The following PBX3 variants were observed in gnomAD, a reference collection of about 807,000 sequenced individuals.
PBX3 encodes the protein pre-B-cell leukemia transcription factor 3.
A neutral mutation model predicts 48.5 loss-of-function variants in PBX3; 14 were observed. The ratio of observed to expected loss-of-function variants is 0.29; its 90% CI spans 0.19 to 0.45. The LOEUF is 0.45. Among genes scored for constraint, PBX3 ranks in the 20% least tolerant of loss-of-function variants. The probability of loss-of-function intolerance (pLI) is 1.00; values close to 1 mark genes in which losing one functional copy is unlikely to be tolerated. For missense variants in PBX3, 386 were observed against 546.7 expected (o/e 0.71, Z 2.93); for synonymous variants, 210 against 200.3 (o/e 1.05, Z -0.41).
chr9:125,960,269 A>G (rs1842397986), intron 5 of PBX3, among the ~76,000 whole-genome samples: 1 of 152,236 alleles, frequency 6.6e-6, no homozygotes, highest in South Asian at 2.1e-4. Flanking sequence ...TACAGCTGCC[A>G]AAATTGTTCT....
At chr9:125,882,606 A>G (rs1220304343) in intron 2 of PBX3, among the ~76,000 whole-genome samples, 2 of 152,356 alleles carry the variant, frequency 1.3e-5, no homozygotes, top group East Asian at 3.9e-4. Flanking sequence ...TGAATTTAGA[A>G]CCAAAGAATG....
rs1218388914 is a variant in PBX3, at chr9:125,899,452, T to TAGAGAG, written c.275-16233_275-16232insGAGAGA. Among the ~76,000 whole-genome samples, 56 of 89,076 alleles carry TAGAGAG rather than the reference T, an allele frequency of 6.3e-4. 1 individual carries two copies. Among genetic ancestry groups the TAGAGAG allele is most frequent in the Non-Finnish European group, 1.1e-3 (47 of 44,154 alleles). The allele number at this position is 89,076 out of a possible 152,430, so 58.4% of individuals were successfully genotyped here. A position where few individuals can be genotyped will look rare whatever the true frequency, so the allele number is the denominator to read the frequency against. ...CTATATATATGTGTGTATATATATA[T>TAGAGAG]ATAGAGAGAGAGAGAGAGAGAGAGA... On this transcript the variant is annotated intron_variant, in intron 2 of 8. Coordinates refer to ENST00000373489, the MANE Select transcript of PBX3 (RefSeq NM_006195.6).
chr9:125,908,618 C>CA, intron 2 of PBX3, among the ~76,000 whole-genome samples: 1 of 152,162 alleles, frequency 6.6e-6, no homozygotes, highest in Non-Finnish European at 1.5e-5. Flanking sequence ...TCATCAGCAC[C>CA]ATTAGATCAT....
chr9:125,786,520 G>A (rs1007739637), intron 2 of PBX3, among the ~76,000 whole-genome samples: 1 of 152,148 alleles, frequency 6.6e-6, no homozygotes, highest in Non-Finnish European at 1.5e-5. Context: ...TCTTTTATAT[G>A]GACAGGAGAT....
chr9:125,770,977 T>C (rs1462637120), intron 2 of PBX3, among the ~76,000 whole-genome samples: 3 of 152,182 alleles, frequency 2.0e-5, no homozygotes, highest in Non-Finnish European at 4.4e-5. Flanking sequence ...GCCTCACATT[T>C]GAATAACAGC....
In PBX3 at chr9:125,963,263, G is replaced by A. The variant is rs193067472; in HGVS notation, c.1212+162G>A. On this transcript the variant is annotated intron_variant, in intron 8 of 8. Transcript: ENST00000373489. ...TTTAAGAACCTAAATGCTTGATGCC[G>A]TCTAGATACCCTTAGAAGTCCTCAT... Among the ~76,000 whole-genome samples the A allele has an allele frequency of 1.3e-3, 197 of 152,240 alleles. 1 individual carries two copies. Among genetic ancestry groups the A allele is most frequent in the African/African-American group, 4.3e-3 (180 of 41,540 alleles).
rs376553707 is a variant in PBX3, at chr9:125,921,326, CT to C, written c.516+5408del. 3.3e-5 allele frequency among the ~76,000 whole-genome samples: 5 copies of C among 150,638 alleles called. No individual in the cohort carries two copies. The East Asian group carries it at 7.8e-4, about 23-fold the overall frequency. ...GTTTTATTTAATACATTTGAATACTCTTTTTTTTTCAACTTCTTTGGAAGCA... is the reference window on the plus strand; with the variant it reads ...GTTTTATTTAATACATTTGAATACTCTTTTTTTTCAACTTCTTTGGAAGCA... On this transcript the variant is annotated intron_variant, in intron 3 of 8. Transcript: ENST00000373489.
chr9:125,945,852 T>C (rs1385194079), intron 5 of PBX3, among the ~76,000 whole-genome samples: 1 of 152,150 alleles, frequency 6.6e-6, no homozygotes, highest in Non-Finnish European at 1.5e-5. Flanking sequence ...TTGGAGGTCA[T>C]TCACTTAAGT....
chr9:125,846,552 A>G (rs1793942163), intron 2 of PBX3, among the ~76,000 whole-genome samples: 2 of 152,012 alleles, frequency 1.3e-5, no homozygotes, highest in South Asian at 4.1e-4. Flanking sequence ...ATTAGGGTGA[A>G]TTTTGAGTCA....
chr9:125,806,881 C>T (rs1176659596), intron 2 of PBX3, among the ~76,000 whole-genome samples: 1 of 152,134 alleles, frequency 6.6e-6, no homozygotes, highest in Non-Finnish European at 1.5e-5. Context: ...AATCTAAGAC[C>T]ACCCATGGAC....
chr9:125,769,257 T>C (rs967927042), intron 2 of PBX3, among the ~76,000 whole-genome samples: 2 of 152,216 alleles, frequency 1.3e-5, no homozygotes, highest in African/African-American at 4.8e-5. Context: ...CCAGCAGTTT[T>C]ATCCACCTTT....
chr9:125,768,946 AGCTGAAATAAC>A (rs1429001010), intron 2 of PBX3, among the ~76,000 whole-genome samples: 1 of 152,212 alleles, frequency 6.6e-6, no homozygotes, highest in Non-Finnish European at 1.5e-5. Context: ...TGCCAAAATA[AGCTGAAATAAC>A]CATAATTTGT....
intron 2 of PBX3, among the ~76,000 whole-genome samples, chr9:125,915,061 G>T (rs574275085): frequency 2.6e-5 from 4 of 152,212 alleles, no homozygotes; most frequent in Non-Finnish European, 5.9e-5. Flanking sequence ...TTTATAGTTT[G>T]CTGGCAATTG....
intron 2 of PBX3, among the ~76,000 whole-genome samples, chr9:125,828,280 T>C (rs533939385): frequency 2.6e-5 from 4 of 152,324 alleles, no homozygotes; most frequent in African/African-American, 7.2e-5. Context: ...ATGTACTGCC[T>C]AGACAAATTT....
At chr9:125,839,790 A>G (rs529782563) in intron 2 of PBX3, among the ~76,000 whole-genome samples, 2 of 152,316 alleles carry the variant, frequency 1.3e-5, no homozygotes, top group South Asian at 4.1e-4. Flanking sequence ...TACTGTTGGG[A>G]TATGATTCTT....
intron 3 of PBX3, among the ~76,000 whole-genome samples, chr9:125,921,137 G>C (rs1841448402): frequency 6.6e-6 from 1 of 152,156 alleles, no homozygotes; most frequent in African/African-American, 2.4e-5. Context: ...GTCATTCATT[G>C]TTCCAAGGGA....
intron 2 of PBX3, among the ~76,000 whole-genome samples, chr9:125,856,405 C>G (rs1307295042): frequency 1.3e-5 from 2 of 152,100 alleles, no homozygotes; most frequent in African/African-American, 4.8e-5. Context: ...GGCATAAACA[C>G]AAGTCCTCAA....
intron 5 of PBX3, among the ~76,000 whole-genome samples, chr9:125,950,140 T>G (rs1842161937): frequency 6.6e-6 from 1 of 152,196 alleles, no homozygotes; most frequent in African/African-American, 2.4e-5. Flanking sequence ...AGCACGTGTT[T>G]TAGGGAGCTG....
chr9:125,766,987 T>C (rs1836815920), intron 2 of PBX3, among the ~76,000 whole-genome samples: 1 of 152,232 alleles, frequency 6.6e-6, no homozygotes, highest in Non-Finnish European at 1.5e-5. Context: ...TAGACTTACT[T>C]GACTTCTCTG....
Sources: allele counts gnomAD v4.1 joint callset (sites outside exome capture counted in the v4.1 genomes callset), GRCh38; gene constraint gnomAD v4.1.1; transcripts MANE v1.5; gene names NCBI Gene and HGNC (gene_info 2026-07-23, HGNC 2026-07-21).